Variants in UMODL1 observed in about 807,000 individuals in gnomAD.
UMODL1 encodes uromodulin like 1, also known as uromodulin-like 1.
UMODL1 carries 128 observed loss-of-function variants against 136.3 expected under a neutral mutation model. That is an observed-to-expected ratio of 0.94 (90% CI 0.81 to 1.09). The LOEUF is 1.09. UMODL1 is among the 50% of genes least tolerant of loss of function. UMODL1 has a pLI of 0.00. For synonymous variants in UMODL1, 721 were observed against 720.0 expected (o/e 1.00, Z -0.02); for missense variants, 1,766 against 1,725.6 (o/e 1.02, Z -0.41).
chr21:42,109,812 G>A, intron 10 of UMODL1, 113 bp downstream of exon 10: 1 of 1,142,980 alleles, frequency 8.7e-7, no homozygotes, highest in Non-Finnish European at 1.2e-6. Context: ...GGTAATGTTA[G>A]GGGCCTACAG....
At chr21:42,133,783 A>G (rs768070379) in intron 21 of UMODL1, among the ~76,000 whole-genome samples, 3 of 152,218 alleles carry the variant, frequency 2.0e-5, no homozygotes, top group Non-Finnish European at 4.4e-5. Context: ...GTCATGTTGG[A>G]CTAGGGGCCT....
In UMODL1 at chr21:42,123,643, G is replaced by C. The variant is rs960495439; in HGVS notation, c.3147+493G>C. Among the ~76,000 whole-genome samples the C allele has an allele frequency of 1.3e-5, 2 of 151,730 alleles. No individual in the cohort carries two copies. The highest frequency in any genetic ancestry group is 2.4e-5 in the African/African-American group (1 of 41,042). On this transcript the variant is annotated intron_variant, in intron 17 of 22. Transcript: ENST00000408910. The surrounding 1 kb of genome is among the most constrained non-coding windows in gnomAD (Gnocchi z 4.4). ...TGTGCTTATATGTACGTGCGTGTGT[G>C]TGTGCATGTGTATCGCGTGCTTGTG... is the stretch of plus-strand genomic sequence containing the variant.
At chr21:42,108,204 C>G (rs1005593432) in intron 9 of UMODL1, 1 of 450,946 alleles carries the variant, frequency 2.2e-6, no homozygotes, top group African/African-American at 2.0e-5. Flanking sequence ...TTTGAGCCAG[C>G]GTCTTGCCTG....
intron 2 of UMODL1, among the ~76,000 whole-genome samples, chr21:42,079,020 G>T (rs1367172668): frequency 1.3e-5 from 2 of 152,230 alleles, no homozygotes; most frequent in African/African-American, 4.8e-5. Context: ...CGGCAACTCG[G>T]TTTAGAGCAT....
intron 1 of UMODL1, among the ~76,000 whole-genome samples, chr21:42,064,701 G>A (rs1203767045): frequency 1.3e-5 from 2 of 152,010 alleles, no homozygotes; most frequent in South Asian, 2.1e-4. Context: ...GACTGCAGGC[G>A]CCCAACACCA....
chr21:42,123,249 C>A lies in UMODL1; in HGVS notation c.3147+99C>A. On this transcript the variant is annotated intron_variant, in intron 17 of 22. Coordinates refer to ENST00000408910, the MANE Select transcript of UMODL1 (RefSeq NM_001004416.3). This position sits in a 1 kb window ranked among gnomAD's most constrained non-coding sequence, Gnocchi z 4.4. ...GGGAGGGCCAGGCAAGACTCTGCAC[C>A]CCGAGGGGAACCCAGCAAGGGGGGT... 7.3e-7 allele frequency: 1 copy of A among 1,371,856 alleles called. No individual in the cohort carries two copies. The highest frequency in any genetic ancestry group is 9.8e-7 in the Non-Finnish European group (1 of 1,020,356). 85.0% of individuals were successfully genotyped at this position (1,371,856 alleles called of 1,614,324 possible).
chr21:42,069,279 G>T (rs1021075049), upstream of UMODL1, among the ~76,000 whole-genome samples: 4 of 78,008 alleles, frequency 5.1e-5, no homozygotes, highest in Non-Finnish European at 1.3e-4. Flanking sequence ...AACAGCAGGG[G>T]TATCTTTCAT....
chr21:42,085,272 A>C lies in UMODL1; in HGVS notation c.482-19A>C. On this transcript the variant is annotated intron_variant, in intron 3 of 22. Transcript: ENST00000408910. The surrounding 1 kb of genome is among the most constrained non-coding windows in gnomAD (Gnocchi z 4.5). ...AACCTGTCCTGGGTCCATAATCATCAGTGTTTTCCCTTGTGTAGCTCCAGA... is the reference window on the plus strand; with the variant it reads ...AACCTGTCCTGGGTCCATAATCATCCGTGTTTTCCCTTGTGTAGCTCCAGA... 1 of 1,612,424 alleles carries C rather than the reference A, an allele frequency of 6.2e-7. No homozygotes were observed. The highest frequency in any genetic ancestry group is 8.5e-7 in the Non-Finnish European group (1 of 1,179,022).
chr21:42,133,017 C>A (rs185345017), intron 21 of UMODL1, among the ~76,000 whole-genome samples: 5 of 152,378 alleles, frequency 3.3e-5, no homozygotes, highest in Admixed American at 2.0e-4. Context: ...TAATTTCTCA[C>A]GTTCAAGAAC....
chr21:42,135,106 G>A (rs58182078), intron 21 of UMODL1, among the ~76,000 whole-genome samples: 4,006 of 152,264 alleles, frequency 0.026, 213 homozygotes, highest in African/African-American at 0.091. Flanking sequence ...AGCCATTGCT[G>A]AATTTCAGCC....
At position 42,127,850 on chromosome 21, in the gene UMODL1, T is replaced by C; in HGVS notation, c.3690+19T>C. The C allele has an allele frequency of 6.2e-7, 1 of 1,609,572 alleles. No homozygotes were observed. Among genetic ancestry groups the C allele is most frequent in the Admixed American group, 1.7e-5 (1 of 59,132 alleles). ...CAAAATCGTAAGTGTTTTTTGGTTT[T>C]CTAAACGTTTGGTTGGATTCACGTT... is the stretch of plus-strand genomic sequence containing the variant. On this transcript the variant is annotated intron_variant, in intron 20 of 22. Transcript: ENST00000408910.
At chr21:42,076,332 C>G in intron 2 of UMODL1, 85 bp downstream of exon 2, 1 of 1,575,484 alleles carries the variant, frequency 6.3e-7, no homozygotes, top group Non-Finnish European at 8.6e-7. Context: ...CATCCATTGG[C>G]CCCGAACTTG....
chr21:42,104,855 AAG>A (rs962733591), intron 9 of UMODL1, among the ~76,000 whole-genome samples: 38 of 152,208 alleles, frequency 2.5e-4, no homozygotes, highest in Non-Finnish European at 4.6e-4. Flanking sequence ...CAGAGAGATA[AAG>A]AGAGAGACAG....
rs2066994189 is a variant in UMODL1, at chr21:42,122,846, A to C, written c.2843A>C (p.Asn948Thr). The change falls in exon 17 of 23, where the codon AAT (asparagine) becomes ACT (threonine). Residue 948 changes from asparagine (N) to threonine (T), a missense_variant. Transcript: ENST00000408910. This position sits in a 1 kb window ranked among gnomAD's most constrained non-coding sequence, Gnocchi z 4.3. ...TGCCTTGCAGGTGACTCTCCTGGCA[A>C]TGAAACCTGGGCCACCAGCCCAGAG... is the stretch of plus-strand genomic sequence containing the variant. The part of the protein sequence containing the change: ...ERPCEGDSPG[N>T]ETWATSPERP... 3 of 1,598,116 alleles carry C rather than the reference A, an allele frequency of 1.9e-6. 1 individual carries two copies. Among genetic ancestry groups the C allele is most frequent in the Admixed American group, 1.7e-5 (1 of 58,570 alleles).
Position 42,085,493 on chromosome 21 carries a change from G to A in UMODL1, c.603+81G>A. ...GACCCAGGTATGGGGCCGTGGAAGGGACCTGGGGGTTGGGGAGGGTGATGT... is the reference window on the plus strand; with the variant it reads ...GACCCAGGTATGGGGCCGTGGAAGGAACCTGGGGGTTGGGGAGGGTGATGT... On this transcript the variant is annotated intron_variant, in intron 4 of 22. Transcript: ENST00000408910. The surrounding 1 kb of genome is among the most constrained non-coding windows in gnomAD (Gnocchi z 4.5). The A allele has an allele frequency of 6.2e-7, 1 of 1,600,246 alleles. No homozygotes were observed.
At chr21:42,136,669 T>C (rs2067208537) in intron 21 of UMODL1, among the ~76,000 whole-genome samples, 1 of 152,246 alleles carries the variant, frequency 6.6e-6, no homozygotes, top group South Asian at 2.1e-4. Flanking sequence ...GGTGTACAAA[T>C]AGCTGTTTGA....
rs561126639 is a variant in UMODL1, at chr21:42,127,935, C to T, written c.3690+104C>T. On this transcript the variant is annotated intron_variant, in intron 20 of 22. Transcript: ENST00000408910. ...AACCTAGGGCTCGAGTGGCTCGGGG[C>T]CAACCTCTGGGAGGAGTCGCTGTGC... is the stretch of plus-strand genomic sequence containing the variant. 1.5e-5 allele frequency: 22 copies of T among 1,486,684 alleles called. No individual in the cohort carries two copies. The African/African-American group carries it at 1.9e-4, about 13-fold the overall frequency. The allele number at this position is 1,486,684 out of a possible 1,614,324, so 92.1% of individuals were successfully genotyped here. A position where few individuals can be genotyped will look rare whatever the true frequency, so the allele number is the denominator to read the frequency against.
In UMODL1 at chr21:42,076,104, T is replaced by A; in HGVS notation, c.176T>A (p.Val59Glu). The A allele has an allele frequency of 6.2e-7, 1 of 1,614,250 alleles. No individual in the cohort carries two copies. Among genetic ancestry groups the A allele is most frequent in the Non-Finnish European group, 8.5e-7 (1 of 1,180,036 alleles). ...EAVQTSYTSY[V>E]SCGGWIPWRR... ...GTGCAGACGTCCTACACGTCCTATG[T>A]GTCCTGCGGCGGCTGGATCCCCTGG... Residue 59 changes from valine (V) to glutamate (E), a missense_variant, in exon 2 of 23, where the codon GTG (valine) becomes GAG (glutamate). Physicochemically the swap from Val to Glu is moderately radical, Grantham distance 121. Coordinates refer to ENST00000408910, the MANE Select transcript of UMODL1 (RefSeq NM_001004416.3).
intron 1 of UMODL1, among the ~76,000 whole-genome samples, chr21:42,074,374 C>T (rs2066264077): frequency 6.6e-6 from 1 of 152,214 alleles, no homozygotes; most frequent in Non-Finnish European, 1.5e-5. Flanking sequence ...CTCTGTAAGA[C>T]ATTACTGCAG....
Sources: allele counts gnomAD v4.1 joint callset (sites outside exome capture counted in the v4.1 genomes callset), GRCh38; gene constraint gnomAD v4.1.1; non-coding constraint Gnocchi (gnomAD v3.1); transcripts MANE v1.5; gene names NCBI Gene and HGNC (gene_info 2026-07-23, HGNC 2026-07-21).